Variants in SAMD9L observed in about 807,000 individuals in gnomAD.
SAMD9L encodes sterile alpha motif domain-containing protein 9-like.
SAMD9L carries 68 observed loss-of-function variants against 90.7 expected under a neutral mutation model. The ratio of observed to expected loss-of-function variants is 0.75; its 90% CI spans 0.62 to 0.92. The LOEUF (loss-of-function observed/expected upper bound fraction) is 0.92. Ranked by LOEUF, SAMD9L falls within the 40% of genes least tolerant of loss-of-function variation. The probability of loss-of-function intolerance (pLI) is 0.00; values close to 1 mark genes in which losing one functional copy is unlikely to be tolerated. For missense variants in SAMD9L, 1,604 were observed against 1,824.3 expected, an observed-to-expected ratio of 0.88 and a Z score of 2.20; for synonymous variants, 640 against 630.1, an observed-to-expected ratio of 1.02 and a Z score of -0.23.
chr7:93,135,470 A>C lies in SAMD9L; in HGVS notation c.502T>G (p.Phe168Val). 1 of 1,614,174 alleles carries C rather than the reference A, an allele frequency of 6.2e-7. No individual in the cohort carries two copies. The highest frequency in any genetic ancestry group is 8.5e-7 in the Non-Finnish European group (1 of 1,179,990). The change falls in exon 5 of 5, where the codon TTT becomes GTT. Residue 168 changes from phenylalanine (F) to valine (V), a missense_variant. By Grantham distance (50) the Phe-to-Val change is conservative (BLOSUM62 -1). Transcript: ENST00000318238. The stretch of plus-strand genomic sequence containing the variant: ...CGATGGCTGTCATGGAACTGATCAA[A>C]AGGATATGGCATACAAGTCAATTGT... Reference protein sequence around the residue: ...PEQLTCMPYPFDQFHDSHRYI... With the variant: ...PEQLTCMPYPVDQFHDSHRYI...
At chr7:93,142,887 A>G (rs899897649) in intron 4 of SAMD9L, among the ~76,000 whole-genome samples, 2 of 152,166 alleles carry the variant, frequency 1.3e-5, no homozygotes, top group African/African-American at 4.8e-5. Flanking sequence ...TCTTTGGGTC[A>G]CCCCAAATAC....
chr7:93,134,953 G>C lies in SAMD9L; in HGVS notation c.1019C>G (p.Ser340Ter). ...GCTAGCCCCTTCTCTTACAAACAGT[G>C]AAAGATTTTGGTTTTGTTTCCATAT... ...DKIWKQNQNL[S>*]LFVREGASSR... The change falls in exon 5 of 5, where the codon TCA becomes TGA. Residue 340 changes from serine to a stop codon, truncating the protein, a stop_gained. Coordinates refer to ENST00000318238, the MANE Select transcript of SAMD9L (RefSeq NM_152703.5). LOFTEE classifies it low-confidence loss of function (END_TRUNC). 6.2e-7 allele frequency: 1 copy of C among 1,613,584 alleles called. No homozygotes were observed. The highest frequency in any genetic ancestry group is 8.5e-7 in the Non-Finnish European group (1 of 1,179,574).
At position 93,131,629 on chromosome 7, in the gene SAMD9L, A is replaced by G. The variant is rs2116471075; in HGVS notation, c.4343T>C (p.Ile1448Thr). The stretch of plus-strand genomic sequence containing the variant: ...ATTTAAGGATGAAACATACTTTTCT[A>G]TTAGTTTGGAATCTTGATCTAGCTC... ...NQELDQDSKL[I>T]EKYVSSLNRS... Residue 1448 changes from isoleucine (I) to threonine (T), a missense_variant, in exon 5 of 5, where the codon ATA becomes ACA. By Grantham distance (89) the Ile-to-Thr change is moderately conservative. This residue lies in a region of SAMD9L where 282 missense variants were observed against 329.6 expected (regional missense o/e 0.86). Transcript: ENST00000318238. 6.2e-7 allele frequency: 1 copy of G among 1,613,836 alleles called. No homozygotes were observed.
chr7:93,142,976 G>A (rs1792750988), intron 4 of SAMD9L, among the ~76,000 whole-genome samples: 1 of 152,184 alleles, frequency 6.6e-6, no homozygotes, highest in African/African-American at 2.4e-5. Flanking sequence ...AAGAAGCAGC[G>A]TTTTAGGAAT....
At chr7:93,139,096 C>T (rs1372219995) in intron 4 of SAMD9L, among the ~76,000 whole-genome samples, 1 of 151,942 alleles carries the variant, frequency 6.6e-6, no homozygotes, top group East Asian at 1.9e-4. Context: ...GTATTAAATA[C>T]ATTTTGTATT....
chr7:93,136,112 G>C (rs1345387890), intron 4 of SAMD9L, 121 bp from the exon 5 acceptor site: 1 of 663,884 alleles, frequency 1.5e-6, no homozygotes, highest in Non-Finnish European at 2.3e-6. Flanking sequence ...ATTGCTAAAG[G>C]CTGACTCTTA....
chr7:93,133,065 T>C lies in SAMD9L; in HGVS notation c.2907A>G (p.Thr969=). 2 of 1,613,582 alleles carry C rather than the reference T, an allele frequency of 1.2e-6. No individual in the cohort carries two copies. The highest frequency in any genetic ancestry group is 1.7e-6 in the Non-Finnish European group (2 of 1,179,670). ...SLEDKMGTYS[T]LLIKTEVAEY... ...CTGCAACTTCTGTTTTTATTAGAAG[T>C]GTAGAATAAGTTCCCATCTTGTCTT... Residue 969 remains threonine (T), a synonymous_variant, in exon 5 of 5, where the codon ACA becomes ACG. Transcript: ENST00000318238.
chr7:93,132,754 G>C lies in SAMD9L; in HGVS notation c.3218C>G (p.Ala1073Gly), dbSNP rs749745854. The change falls in exon 5 of 5, where the codon GCA becomes GGA. Residue 1073 changes from alanine to glycine, a missense_variant. Ala to Gly is a moderately conservative substitution (Grantham distance 60, BLOSUM62 0). Coordinates refer to ENST00000318238, the MANE Select transcript of SAMD9L (RefSeq NM_152703.5). ...QNKDIEKVLS[A>G]GSRRFPQNAF... ...ATTTTGTGGGAATCGTCTACTTCCT[G>C]CACTCAAGACCTTTTCAATGTCTTT... The C allele has an allele frequency of 6.2e-7, 1 of 1,613,698 alleles. No individual in the cohort carries two copies. The highest frequency in any genetic ancestry group is 1.3e-5 in the African/African-American group (1 of 74,982).
Position 93,132,562 on chromosome 7 carries a change from C to T in SAMD9L, c.3410G>A (p.Gly1137Glu), listed in dbSNP as rs17165111. 1 of 1,613,730 alleles carries T rather than the reference C, an allele frequency of 6.2e-7. No individual in the cohort carries two copies. Residue 1137 changes from glycine to glutamate, a missense_variant, in exon 5 of 5, where the codon GGG (glycine) becomes GAG (glutamate). This residue lies in a region of SAMD9L where 302 missense variants were observed against 314.7 expected (regional missense o/e 0.96). Coordinates refer to ENST00000318238, the MANE Select transcript of SAMD9L (RefSeq NM_152703.5). ...YKSEIKWWLD[G>E]NKNCRSITVN... is the part of the protein sequence containing the mutation. ...AGTAATGCTCCTACAGTTTTTGTTC[C>T]CATCCAACCACCATTTGATTTCACT...
In SAMD9L at chr7:93,134,428, T is replaced by C. The variant is rs764518200; in HGVS notation, c.1544A>G (p.His515Arg). 7.4e-6 allele frequency: 12 copies of C among 1,613,808 alleles called. No individual in the cohort carries two copies. The highest frequency in any genetic ancestry group is 5.3e-5 in the African/African-American group (4 of 74,914). The change falls in exon 5 of 5, where the codon CAT becomes CGT. Residue 515 changes from histidine to arginine, a missense_variant. His to Arg is a conservative substitution (Grantham distance 29). This residue lies in a region of SAMD9L where 606 missense variants were observed against 717.6 expected (regional missense o/e 0.84). Transcript: ENST00000318238. ...TGAAGCTCTTTCTCTCTGCCATAAA[T>C]GTGGTTCTAGAGGTTTATATGTCTC... is the stretch of plus-strand genomic sequence containing the variant. Reference protein sequence around the residue: ...KSETYKPLEPHLWQRERASEV... With the variant: ...KSETYKPLEPRLWQRERASEV...
Position 93,133,587 on chromosome 7 carries a change from G to A in SAMD9L, c.2385C>T (p.Tyr795=), listed in dbSNP as rs765300989. Residue 795 remains tyrosine (Y), a synonymous_variant, in exon 5 of 5, where the codon TAC becomes TAT. Transcript: ENST00000318238. ...CATCCACAAGGAGAAGCACAGGAAT[G>A]TAATCCTGATGGCTCTTTGCCCTAT... ...VTYRAKSHQD[Y]IPVLLLVDDF... 58 of 1,613,684 alleles carry A rather than the reference G, an allele frequency of 3.6e-5. No individual in the cohort carries two copies. Among genetic ancestry groups the A allele is most frequent in the Non-Finnish European group, 4.7e-5 (55 of 1,179,834 alleles).
chr7:93,134,094 C>A lies in SAMD9L; in HGVS notation c.1878G>T (p.Ser626=). 2 of 1,613,764 alleles carry A rather than the reference C, an allele frequency of 1.2e-6. No homozygotes were observed. The highest frequency in any genetic ancestry group is 1.7e-6 in the Non-Finnish European group (2 of 1,179,840). ...LVNSTILKLK[S]VTRSSRRFLP... The stretch of plus-strand genomic sequence containing the variant: ...AAAACCTTCTTGATGACCGAGTCAC[C>A]GATTTTAGTTTAAGGATAGTGCTGT... The change falls in exon 5 of 5, where the codon TCG becomes TCT. Residue 626 remains serine, a synonymous_variant. Transcript: ENST00000318238.
intron 4 of SAMD9L, among the ~76,000 whole-genome samples, chr7:93,143,481 C>G (rs962131597): frequency 6.6e-6 from 1 of 152,204 alleles, no homozygotes; most frequent in Non-Finnish European, 1.5e-5. Context: ...TTTCTCCTCT[C>G]TCATCAAACC....
In SAMD9L at chr7:93,133,066, G is replaced by A; in HGVS notation, c.2906C>T (p.Thr969Ile). The change falls in exon 5 of 5, where the codon ACA becomes ATA. Residue 969 changes from threonine to isoleucine, a missense_variant. This residue lies in a region of SAMD9L where 606 missense variants were observed against 717.6 expected (regional missense o/e 0.84). Transcript: ENST00000318238. ...TGCAACTTCTGTTTTTATTAGAAGT[G>A]TAGAATAAGTTCCCATCTTGTCTTC... ...SLEDKMGTYS[T>I]LLIKTEVAEY... 5.0e-6 allele frequency: 8 copies of A among 1,613,554 alleles called. No individual in the cohort carries two copies. Among genetic ancestry groups the A allele is most frequent in the Non-Finnish European group, 6.8e-6 (8 of 1,179,688 alleles).
At chr7:93,137,763 A>G (rs1392014764) in intron 4 of SAMD9L, among the ~76,000 whole-genome samples, 7 of 133,194 alleles carry the variant, frequency 5.3e-5, no homozygotes, top group Admixed American at 7.9e-5. Flanking sequence ...TTTTAATTTA[A>G]TGTACATCCA....
Position 93,134,621 on chromosome 7 carries a change from T to G in SAMD9L, c.1351A>C (p.Met451Leu). The stretch of plus-strand genomic sequence containing the variant: ...TAAGCTTTGACCACTCCATTGATCA[T>G]AGATTCAGGATCAAACTCCAACACA... ...FAVLEFDPESMINGVVKAYKE... is the reference protein window; with the variant it reads ...FAVLEFDPESLINGVVKAYKE... The change falls in exon 5 of 5, where the codon ATG becomes CTG. Residue 451 changes from methionine to leucine, a missense_variant. By Grantham distance (15) the Met-to-Leu change is conservative. Around this residue, in one of 7 missense-constraint regions of SAMD9L, gnomAD observed 606 missense variants for 717.6 expected, o/e 0.84. Coordinates refer to ENST00000318238, the MANE Select transcript of SAMD9L (RefSeq NM_152703.5). 1.2e-6 allele frequency: 2 copies of G among 1,613,982 alleles called. No homozygotes were observed. Among genetic ancestry groups the G allele is most frequent in the Non-Finnish European group, 1.7e-6 (2 of 1,179,916 alleles).
chr7:93,140,349 G>A (rs6974267), intron 4 of SAMD9L, among the ~76,000 whole-genome samples: 129,210 of 150,152 alleles, frequency 0.86, 55,573 homozygotes, highest in East Asian at 0.98. Context: ...ATGCTGGACA[G>A]TGGCCCTCCA....
intron 4 of SAMD9L, among the ~76,000 whole-genome samples, chr7:93,137,691 A>C (rs1421947407): frequency 6.6e-6 from 1 of 151,538 alleles, no homozygotes; most frequent in Non-Finnish European, 1.5e-5. Flanking sequence ...TGCTGTTTTA[A>C]ATGATTTGTA....
In SAMD9L at chr7:93,134,289, A is replaced by T; in HGVS notation, c.1683T>A (p.Ile561=). 6.2e-7 allele frequency: 1 copy of T among 1,613,486 alleles called. No individual in the cohort carries two copies. Among genetic ancestry groups the T allele is most frequent in the Non-Finnish European group, 8.5e-7 (1 of 1,179,818 alleles). ...SSVESPGDPL[I]ETFWAFYQAL... ...CTTGATAGAAAGCCCAGAAAGTTTC[A>T]ATGAGTGGATCTCCTGGGCTTTCCA... The change falls in exon 5 of 5, where the codon ATT becomes ATA. Residue 561 remains isoleucine (I), a synonymous_variant. Coordinates refer to ENST00000318238, the MANE Select transcript of SAMD9L (RefSeq NM_152703.5).
Sources: gnomAD v4.1 joint callset for allele counts (sites outside exome capture counted in the v4.1 genomes callset) on GRCh38, gnomAD v4.1.1 for gene constraint, gnomAD v4.1.1 regional missense constraint, MANE v1.5 for transcripts, NCBI Gene and HGNC (gene_info 2026-07-23, HGNC 2026-07-21) for gene names.